Variants in TMEM115 observed in about 807,000 individuals in gnomAD.
The protein encoded by TMEM115 is transmembrane protein 115.
In TMEM115, 8 loss-of-function variants were observed where a neutral mutation model predicts 20.1. The ratio of observed to expected loss-of-function variants is 0.40; its 90% CI spans 0.23 to 0.72. TMEM115 has a LOEUF of 0.72. Among genes scored for constraint, TMEM115 ranks in the 30% least tolerant of loss-of-function variants. The pLI is 0.39. For synonymous variants in TMEM115, 229 were observed against 206.2 expected, an observed-to-expected ratio of 1.11 and a Z score of -0.95; for missense variants, 374 against 455.1, an observed-to-expected ratio of 0.82 and a Z score of 1.62.
In TMEM115 at chr3:50,355,481, G is replaced by C. The variant is rs770581879; in HGVS notation, c.918C>G (p.Ser306Arg). ...KRVEDQSIWPSMDDDEEESGA... is the reference protein window; with the variant it reads ...KRVEDQSIWPRMDDDEEESGA... ...CAGACTCCTCTTCATCATCATCCAT[G>C]CTGGGCCAGATGGACTGGTCTTCCA... Residue 306 changes from serine to arginine, a missense_variant, in exon 2 of 2, where the codon AGC becomes AGG. By Grantham distance (110) the Ser-to-Arg change is moderately radical. Transcript: ENST00000266025. 1 of 1,609,168 alleles carries C rather than the reference G, an allele frequency of 6.2e-7. No homozygotes were observed. Among genetic ancestry groups the C allele is most frequent in the Non-Finnish European group, 8.5e-7 (1 of 1,177,746 alleles).
At chr3:50,357,523 TC>T (rs1703895927) in intron 1 of TMEM115, among the ~76,000 whole-genome samples, 1 of 152,204 alleles carries the variant, frequency 6.6e-6, no homozygotes, top group Non-Finnish European at 1.5e-5. Context: ...AAAAGATCCC[TC>T]CTGCCCTGGC....
Position 50,358,724 on chromosome 3 carries a change from C to T in TMEM115, c.340G>A (p.Ala114Thr). 1 of 1,613,466 alleles carries T rather than the reference C, an allele frequency of 6.2e-7. No individual in the cohort carries two copies. Among genetic ancestry groups the T allele is most frequent in the Non-Finnish European group, 8.5e-7 (1 of 1,180,032 alleles). Residue 114 changes from alanine (A) to threonine (T), a missense_variant, in exon 1 of 2, where the codon GCC becomes ACC. By Grantham distance (58) the Ala-to-Thr change is moderately conservative. Coordinates refer to ENST00000266025, the MANE Select transcript of TMEM115 (RefSeq NM_007024.5). ...VVNVSVGLLGAFAYLLTYMAS... is the reference protein window; with the variant it reads ...VVNVSVGLLGTFAYLLTYMAS... ...ATGTAGGTGAGGAGGTAGGCGAAGG[C>T]CCCCAGCAGCCCTACAGACACATTC...
chr3:50,355,580 G>A (rs1165283976), intron 1 of TMEM115, 33 bp from the exon 2 acceptor site: 1 of 1,553,928 alleles, frequency 6.4e-7, no homozygotes, highest in Non-Finnish European at 8.7e-7. Flanking sequence ...AGGTCACTCT[G>A]GGTTTGGCCT....
chr3:50,358,975 A>G lies in TMEM115; in HGVS notation c.89T>C (p.Val30Ala), dbSNP rs756353024. ...GAAGGAGAGCAGGTAGAGGAATAGT[A>G]CCGCCGCACACAGAGCCTTCACCAC... ...SVVVKALCAA[V>A]LFLYLLSFAV... The change falls in exon 1 of 2, where the codon GTA becomes GCA. Residue 30 changes from valine to alanine, a missense_variant. Val to Ala is a moderately conservative substitution (Grantham distance 64). Coordinates refer to ENST00000266025, the MANE Select transcript of TMEM115 (RefSeq NM_007024.5). 1 of 1,602,230 alleles carries G rather than the reference A, an allele frequency of 6.2e-7. No individual in the cohort carries two copies. Among genetic ancestry groups the G allele is most frequent in the Admixed American group, 1.7e-5 (1 of 58,100 alleles).
In TMEM115 at chr3:50,358,894, A is replaced by C; in HGVS notation, c.170T>G (p.Phe57Cys). ...ATGGGTGGCCAGGGTCCAGATCCAG[A>C]AGTTGGGAGGAAAGAGGTAGCCCGG... is the stretch of plus-strand genomic sequence containing the variant. The part of the protein sequence containing the change: ...VTPGYLFPPN[F>C]WIWTLATHGL... Residue 57 changes from phenylalanine (F) to cysteine (C), a missense_variant, in exon 1 of 2, where the codon TTC becomes TGC. By Grantham distance (205) the Phe-to-Cys change is radical. Coordinates refer to ENST00000266025, the MANE Select transcript of TMEM115 (RefSeq NM_007024.5). 6.2e-7 allele frequency: 1 copy of C among 1,613,178 alleles called. No homozygotes were observed. The highest frequency in any genetic ancestry group is 8.5e-7 in the Non-Finnish European group (1 of 1,179,988).
At chr3:50,358,010 C>T (rs1305125539) in intron 1 of TMEM115, 5 of 638,320 alleles carry the variant, frequency 7.8e-6, no homozygotes, top group East Asian at 2.8e-5. Context: ...TTAAGTGGCC[C>T]GAGTGGTGAG....
At position 50,359,397 on chromosome 3, in the gene TMEM115, G is replaced by C. The variant is rs993406084; in HGVS notation, c.-334C>G. On this transcript the variant is annotated 5_prime_UTR_variant, in exon 1 of 2. Transcript: ENST00000266025. ...CTGGGCCTCCTCCATCCACTGCGAG[G>C]CCCTTCGGTTCGCAAGGGGACTGGT... The C allele has an allele frequency of 1.7e-5, 5 of 288,456 alleles. No homozygotes were observed. Among genetic ancestry groups the C allele is most frequent in the East Asian group, 7.1e-5 (1 of 14,072 alleles). The allele number at this position is 288,456 out of a possible 1,614,324, so 17.9% of individuals were successfully genotyped here. A position where few individuals can be genotyped will look rare whatever the true frequency, so the allele number is the denominator to read the frequency against.
At chr3:50,355,851 G>A (rs1703860778) in intron 1 of TMEM115, among the ~76,000 whole-genome samples, 1 of 152,264 alleles carries the variant, frequency 6.6e-6, no homozygotes, top group Admixed American at 6.5e-5. Context: ...GAATGGTTCT[G>A]AGGGTGGTAT....
chr3:50,357,096 G>A (rs1703888596), intron 1 of TMEM115, among the ~76,000 whole-genome samples: 1 of 152,186 alleles, frequency 6.6e-6, no homozygotes, highest in African/African-American at 2.4e-5. Context: ...TCTGTCCTTA[G>A]GGCTTATCAC....
Position 50,354,953 on chromosome 3 carries a change from G to A in TMEM115, c.*390C>T. ...CAGCCCCAGGTCGGCTCCTGCATTTGCTGGGCCCCCAGAACATTTTTGGCA... is the reference window on the plus strand; with the variant it reads ...CAGCCCCAGGTCGGCTCCTGCATTTACTGGGCCCCCAGAACATTTTTGGCA... On this transcript the variant is annotated 3_prime_UTR_variant, in exon 2 of 2. Transcript: ENST00000266025. 5.8e-6 allele frequency: 1 copy of A among 173,730 alleles called. No homozygotes were observed. The highest frequency in any genetic ancestry group is 6.3e-5 in the Admixed American group (1 of 15,822). The allele number at this position is 173,730 out of a possible 1,614,324, so 10.8% of individuals were successfully genotyped here. A position where few individuals can be genotyped will look rare whatever the true frequency, so the allele number is the denominator to read the frequency against.
Position 50,358,271 on chromosome 3 carries a change from G to C in TMEM115, c.793C>G (p.Pro265Ala). ...KTVKRYDVGA[P>A]SSITISLPGT... ...GGCAGGCTGATGGTGATGGAGGATG[G>C]GGCACCCACATCGTAGCGCTTCACC... Residue 265 changes from proline (P) to alanine (A), a missense_variant, in exon 1 of 2, where the codon CCA (proline) becomes GCA (alanine). Pro to Ala is a conservative substitution (Grantham distance 27). Coordinates refer to ENST00000266025, the MANE Select transcript of TMEM115 (RefSeq NM_007024.5). 1 of 1,613,802 alleles carries C rather than the reference G, an allele frequency of 6.2e-7. No individual in the cohort carries two copies. The highest frequency in any genetic ancestry group is 1.7e-5 in the Admixed American group (1 of 60,004).
At position 50,359,224 on chromosome 3, in the gene TMEM115, C is replaced by T; in HGVS notation, c.-161G>A. On this transcript the variant is annotated 5_prime_UTR_variant, in exon 1 of 2. Coordinates refer to ENST00000266025, the MANE Select transcript of TMEM115 (RefSeq NM_007024.5). ...TTCCGATCGGGTGGGGCTCTGGTCC[C>T]GAGGGGCCGAGTCGGGCCTTGTTGC... 1 of 1,181,968 alleles carries T rather than the reference C, an allele frequency of 8.5e-7. No individual in the cohort carries two copies. The highest frequency in any genetic ancestry group is 1.5e-5 in the African/African-American group (1 of 64,666). The allele number at this position is 1,181,968 out of a possible 1,614,324, so 73.2% of individuals were successfully genotyped here.
chr3:50,355,814 C>T (rs1236660705), intron 1 of TMEM115, among the ~76,000 whole-genome samples: 5 of 152,222 alleles, frequency 3.3e-5, no homozygotes, highest in African/African-American at 1.2e-4. Flanking sequence ...GGGTGTCTGC[C>T]AGACTGCCCA....
Position 50,358,741 on chromosome 3 carries a change from G to A in TMEM115, c.323C>T (p.Ser108Phe), listed in dbSNP as rs1703916385. 3 of 1,613,520 alleles carry A rather than the reference G, an allele frequency of 1.9e-6. No individual in the cohort carries two copies. In the African/African-American group the frequency reaches 4.0e-5, roughly 21 times the overall value. Reference sequence around the variant, plus strand: ...GGCGAAGGCCCCCAGCAGCCCTACAGACACATTCACCACTGAGAAGAAGAT... The same window carrying A: ...GGCGAAGGCCCCCAGCAGCCCTACAAACACATTCACCACTGAGAAGAAGAT... Reference protein sequence around the residue: ...LLIFFSVVNVSVGLLGAFAYL... With the variant: ...LLIFFSVVNVFVGLLGAFAYL... The change falls in exon 1 of 2, where the codon TCT becomes TTT. Residue 108 changes from serine (S) to phenylalanine (F), a missense_variant. By Grantham distance (155) the Ser-to-Phe change is radical (BLOSUM62 -2). Coordinates refer to ENST00000266025, the MANE Select transcript of TMEM115 (RefSeq NM_007024.5).
rs1421911815 is a variant in TMEM115, at chr3:50,355,518, C to G, written c.881G>C (p.Arg294Pro). The change falls in exon 2 of 2, where the codon CGG becomes CCG. Residue 294 changes from arginine (R) to proline (P), a missense_variant. By Grantham distance (103) the Arg-to-Pro change is moderately radical. Transcript: ENST00000266025. ...RQLALKALNE[R>P]LKRVEDQSIW... ...GGACTGGTCTTCCACTCTCTTCAGC[C>G]GCTCATTGAGTGCCTTCAGGGCCAG... 6.2e-7 allele frequency: 1 copy of G among 1,604,080 alleles called. No individual in the cohort carries two copies. Among genetic ancestry groups the G allele is most frequent in the African/African-American group, 1.3e-5 (1 of 74,558 alleles).
At chr3:50,357,843 C>T (rs1476193795) in intron 1 of TMEM115, among the ~76,000 whole-genome samples, 1 of 152,220 alleles carries the variant, frequency 6.6e-6, no homozygotes, top group Non-Finnish European at 1.5e-5. Flanking sequence ...AGGCCTCCTT[C>T]CCTGTCCCTT....
chr3:50,355,479 A>G lies in TMEM115; in HGVS notation c.920T>C (p.Met307Thr). The change falls in exon 2 of 2, where the codon ATG (methionine) becomes ACG (threonine). Residue 307 changes from methionine to threonine, a missense_variant. By Grantham distance (81) the Met-to-Thr change is moderately conservative. Coordinates refer to ENST00000266025, the MANE Select transcript of TMEM115 (RefSeq NM_007024.5). ...RVEDQSIWPS[M>T]DDDEEESGAK... The stretch of plus-strand genomic sequence containing the variant: ...CCCAGACTCCTCTTCATCATCATCC[A>G]TGCTGGGCCAGATGGACTGGTCTTC... 2.5e-6 allele frequency: 4 copies of G among 1,609,290 alleles called. No homozygotes were observed. The highest frequency in any genetic ancestry group is 1.7e-6 in the Non-Finnish European group (2 of 1,177,712).
At position 50,359,144 on chromosome 3, in the gene TMEM115, T is replaced by A; in HGVS notation, c.-81A>T. On this transcript the variant is annotated 5_prime_UTR_variant, in exon 1 of 2. Transcript: ENST00000266025. ...GGGCCTCGTCCTAGTCCGGCCCCGA[T>A]GGGAGGCCCAGGCCCGGCCTAGTCA... The A allele has an allele frequency of 7.2e-7, 1 of 1,388,174 alleles. No homozygotes were observed. The highest frequency in any genetic ancestry group is 9.4e-7 in the Non-Finnish European group (1 of 1,063,876). 86.0% of individuals were successfully genotyped at this position (1,388,174 alleles called of 1,614,324 possible). A position where few individuals can be genotyped will look rare whatever the true frequency, so the allele number is the denominator to read the frequency against.
In TMEM115 at chr3:50,355,322, C is replaced by T; in HGVS notation, c.*21G>A. ...AAGGGGGGCTTGGGAGGGGAGGTGC[C>T]ACACTCAAGGTGGTCTGGAGTTACA... On this transcript the variant is annotated 3_prime_UTR_variant, in exon 2 of 2. Transcript: ENST00000266025. The T allele has an allele frequency of 6.9e-7, 1 of 1,456,082 alleles. No individual in the cohort carries two copies. Among genetic ancestry groups the T allele is most frequent in the East Asian group, 2.6e-5 (1 of 38,610 alleles). 90.2% of individuals were successfully genotyped at this position (1,456,082 alleles called of 1,614,324 possible).
Sources: gnomAD v4.1 joint callset for allele counts (sites outside exome capture counted in the v4.1 genomes callset) on GRCh38, gnomAD v4.1.1 for gene constraint, MANE v1.5 for transcripts, NCBI Gene and HGNC (gene_info 2026-07-23, HGNC 2026-07-21) for gene names.